MLLT10: variants seen among roughly 807,000 people sequenced by gnomAD.
MLLT10 encodes protein AF-10.
MLLT10 carries 30 observed loss-of-function variants against 129.1 expected under a neutral mutation model. The observed-to-expected ratio is 0.23, with a 90% CI of 0.17 to 0.32. MLLT10 has a LOEUF of 0.32. Ranked by LOEUF, MLLT10 falls within the 10% of genes least tolerant of loss-of-function variation. The pLI, the probability that MLLT10 is intolerant of heterozygous loss-of-function variation, is 1.00. For synonymous variants in MLLT10, 490 were observed against 446.4 expected, an observed-to-expected ratio of 1.10 and a Z score of -1.23; for missense variants, 1,119 against 1,268.3, an observed-to-expected ratio of 0.88 and a Z score of 1.79.
chr10:21,557,407 T>C (rs1293711562), intron 3 of MLLT10, among the ~76,000 whole-genome samples: 4 of 152,212 alleles, frequency 2.6e-5, no homozygotes, highest in African/African-American at 4.8e-5. Context: ...ATCTGGTATA[T>C]TTCCTCCTTT....
At chr10:21,696,330 A>G (rs1217793016) in intron 13 of MLLT10, among the ~76,000 whole-genome samples, 1 of 151,964 alleles carries the variant, frequency 6.6e-6, no homozygotes, top group Non-Finnish European at 1.5e-5. Context: ...CCTATGACAC[A>G]GCCCTCAGGA....
intron 3 of MLLT10, among the ~76,000 whole-genome samples, chr10:21,583,655 G>C (rs1564454021): frequency 4.6e-5 from 7 of 152,108 alleles, no homozygotes; most frequent in Admixed American, 1.3e-4. Flanking sequence ...GGTGAGAGAA[G>C]GGAGCAAGGT....
At position 21,707,598 on chromosome 10, in the gene MLLT10, T is replaced by C. The variant is rs141325648; in HGVS notation, c.1700-6174T>C. Among the ~76,000 whole-genome samples, 867 of 152,286 alleles carry C rather than the reference T, an allele frequency of 5.7e-3. 6 individuals carry two copies. Among genetic ancestry groups the C allele is most frequent in the African/African-American group, 0.02 (811 of 41,562 alleles). The stretch of plus-strand genomic sequence containing the variant: ...ATAATTTTTAATCCAGATTGTGAAA[T>C]AGCCTCCTAAAAAAAAATCTTTGTT... On this transcript the variant is annotated intron_variant, in intron 13 of 22. Transcript: ENST00000307729.
intron 3 of MLLT10, among the ~76,000 whole-genome samples, chr10:21,540,696 A>G (rs1230031794): frequency 1.3e-5 from 2 of 152,176 alleles, no homozygotes; most frequent in African/African-American, 2.4e-5. Context: ...AAATCTTATT[A>G]TATTTATTGA....
chr10:21,569,210 A>G (rs1415804489), intron 3 of MLLT10, among the ~76,000 whole-genome samples: 1 of 152,122 alleles, frequency 6.6e-6, no homozygotes, highest in Non-Finnish European at 1.5e-5. Context: ...GTGTTATTCA[A>G]GCTTCTGTAT....
chr10:21,642,348 G>A (rs1209799180), intron 8 of MLLT10, among the ~76,000 whole-genome samples: 11 of 148,818 alleles, frequency 7.4e-5, no homozygotes, highest in African/African-American at 1.7e-4. Flanking sequence ...GCGAAACTCC[G>A]TTTAAAAAAC....
At chr10:21,651,854 A>T in intron 9 of MLLT10, 86 bp downstream of exon 9, 1 of 708,524 alleles carries the variant, frequency 1.4e-6, no homozygotes, top group Non-Finnish European at 2.3e-6. Context: ...TCATTCCCTA[A>T]CTTTTCCCAG....
At chr10:21,541,278 C>G (rs1328582248) in intron 3 of MLLT10, 1 of 152,092 alleles carries the variant, frequency 6.6e-6, no homozygotes, top group Non-Finnish European at 1.5e-5. Context: ...AGTGGAGTGG[C>G]GCAATCATTG....
At chr10:21,643,836 C>T (rs180954380) in intron 8 of MLLT10, among the ~76,000 whole-genome samples, 2 of 152,172 alleles carry the variant, frequency 1.3e-5, no homozygotes, top group Non-Finnish European at 2.9e-5. Context: ...ACCTTCTGTT[C>T]CCCATTCATT....
At position 21,730,982 on chromosome 10, in the gene MLLT10, A is replaced by G; in HGVS notation, c.2146A>G (p.Ile716Val). 6.2e-7 allele frequency: 1 copy of G among 1,614,218 alleles called. No individual in the cohort carries two copies. Among genetic ancestry groups the G allele is most frequent in the Non-Finnish European group, 8.5e-7 (1 of 1,180,032 alleles). The change falls in exon 17 of 23, where the codon ATA (isoleucine) becomes GTA (valine). Residue 716 changes from isoleucine to valine, a missense_variant. Physicochemically the swap from Ile to Val is conservative, Grantham distance 29. Coordinates refer to ENST00000307729, the MANE Select transcript of MLLT10 (RefSeq NM_001195626.3). Reference sequence around the variant, plus strand: ...AAATCTGCCTCCAGTAGCAGCCAGCATAGAACAGCTTTTGGAGAGGCAGTG... The same window carrying G: ...AAATCTGCCTCCAGTAGCAGCCAGCGTAGAACAGCTTTTGGAGAGGCAGTG... ...LENLPPVAAS[I>V]EQLLERQWSE...
chr10:21,598,522 G>T (rs2043219292), intron 5 of MLLT10, among the ~76,000 whole-genome samples: 1 of 151,980 alleles, frequency 6.6e-6, no homozygotes, highest in Non-Finnish European at 1.5e-5. Context: ...ATGTGTGTTT[G>T]TGTGTGTGTG....
intron 8 of MLLT10, among the ~76,000 whole-genome samples, chr10:21,621,007 C>G (rs566762338): frequency 4.0e-5 from 6 of 150,836 alleles, no homozygotes; most frequent in Admixed American, 3.3e-4. Context: ...TTTCCTGAGA[C>G]GGAGTCTTGC....
At chr10:21,579,569 T>C (rs1226385209) in intron 3 of MLLT10, among the ~76,000 whole-genome samples, 11 of 151,586 alleles carry the variant, frequency 7.3e-5, no homozygotes, top group Non-Finnish European at 1.2e-4. Context: ...TAGATTCTTT[T>C]TTTTTTTTTT....
chr10:21,720,160 C>G (rs1288800012), intron 14 of MLLT10, among the ~76,000 whole-genome samples: 1 of 152,222 alleles, frequency 6.6e-6, no homozygotes, highest in African/African-American at 2.4e-5. Flanking sequence ...TTCATTCCCT[C>G]CTGCTACTTT....
chr10:21,604,462 C>T (rs1387584430), intron 5 of MLLT10, among the ~76,000 whole-genome samples: 3 of 152,214 alleles, frequency 2.0e-5, no homozygotes, highest in South Asian at 2.1e-4. Context: ...TAGTGGCACA[C>T]ACCTGTAGTC....
chr10:21,720,177 A>G (rs2057026868), intron 14 of MLLT10, among the ~76,000 whole-genome samples: 1 of 152,146 alleles, frequency 6.6e-6, no homozygotes, highest in South Asian at 2.1e-4. Flanking sequence ...CTTTATGGAA[A>G]CTCAATTGTG....
rs1003495045 is a variant in MLLT10, at chr10:21,670,674, A to G, written c.1021A>G (p.Thr341Ala). ...TGGTGGTGGAAGAAATCCAGGAACAACTGTGTCAGCAGCTAGCCCTTTTCC... is the reference window on the plus strand; with the variant it reads ...TGGTGGTGGAAGAAATCCAGGAACAGCTGTGTCAGCAGCTAGCCCTTTTCC... ...KPGGGRNPGT[T>A]VSAASPFPQG... is the part of the protein sequence containing the mutation. Residue 341 changes from threonine to alanine, a missense_variant, in exon 10 of 23, where the codon ACT becomes GCT. Thr to Ala is a moderately conservative substitution (Grantham distance 58). Transcript: ENST00000307729. 3 of 1,614,090 alleles carry G rather than the reference A, an allele frequency of 1.9e-6. No individual in the cohort carries two copies. Among genetic ancestry groups the G allele is most frequent in the Non-Finnish European group, 2.5e-6 (3 of 1,180,012 alleles).
intron 3 of MLLT10, among the ~76,000 whole-genome samples, chr10:21,578,897 A>C (rs765496093): frequency 2.6e-5 from 4 of 152,224 alleles, no homozygotes; most frequent in Non-Finnish European, 4.4e-5. Context: ...TTCAATAATC[A>C]TGTAATGTTA....
chr10:21,654,885 G>C (rs996666727), intron 9 of MLLT10, among the ~76,000 whole-genome samples: 1 of 152,078 alleles, frequency 6.6e-6, no homozygotes, highest in Non-Finnish European at 1.5e-5. Context: ...TTAAGGGATT[G>C]TTGAAGGCTG....
Sources: allele counts gnomAD v4.1 joint callset (sites outside exome capture counted in the v4.1 genomes callset), GRCh38; gene constraint gnomAD v4.1.1; transcripts MANE v1.5; gene names NCBI Gene and HGNC (gene_info 2026-07-23, HGNC 2026-07-21).